The following LIX1L variants were observed in gnomAD, a reference collection of about 807,000 sequenced individuals.
LIX1L encodes the protein limb and CNS expressed 1 like, also known as LIX1-like protein.
Under a neutral mutation model 34.0 loss-of-function variants are expected in LIX1L, and 20 were observed. The observed-to-expected ratio is 0.59, with a 90% CI of 0.41 to 0.85. The LOEUF is 0.85. Ranked by LOEUF, LIX1L falls within the 40% of genes least tolerant of loss-of-function variation. The pLI, the probability that LIX1L is intolerant of heterozygous loss-of-function variation, is 0.00. For synonymous variants in LIX1L, 170 were observed against 187.4 expected (o/e 0.91, Z 0.76); for missense variants, 397 against 447.0 (o/e 0.89, Z 1.01).
chr1:145,952,255 A>C (rs782563329), intron 1 of LIX1L, among the ~76,000 whole-genome samples: 1 of 152,234 alleles, frequency 6.6e-6, no homozygotes, highest in Non-Finnish European at 1.5e-5. Context: ...AAAACTGTTA[A>C]GTAAAATTAT....
In LIX1L at chr1:145,936,038, A is replaced by C; in HGVS notation, c.*272T>G. The stretch of plus-strand genomic sequence containing the variant: ...GTGCTACTGAAATGGCTACACAGTT[A>C]ATCTGGAAGTTTAAGAGCTAACAAA... On this transcript the variant is annotated 3_prime_UTR_variant, in exon 6 of 6. Transcript: ENST00000604000. 1 of 418,322 alleles carries C rather than the reference A, an allele frequency of 2.4e-6. No homozygotes were observed. Among genetic ancestry groups the C allele is most frequent in the Non-Finnish European group, 4.3e-6 (1 of 231,970 alleles). 25.9% of individuals were successfully genotyped at this position (418,322 alleles called of 1,614,324 possible).
chr1:145,942,884 G>C (rs369356849), intron 2 of LIX1L, 31 bp from the exon 3 acceptor site: 1 of 1,610,416 alleles, frequency 6.2e-7, no homozygotes, highest in African/African-American at 1.3e-5. Flanking sequence ...GAGAATATGT[G>C]TATTTGTGCA....
At chr1:145,942,920 G>T (rs2101898749) in intron 2 of LIX1L, 67 bp from the exon 3 acceptor site, 1 of 1,478,322 alleles carries the variant, frequency 6.8e-7, no homozygotes, top group Non-Finnish European at 9.4e-7. Context: ...GGAACAGTGG[G>T]AGGGAAACAC....
At position 145,942,708 on chromosome 1, in the gene LIX1L, CT is replaced by C; in HGVS notation, c.597+4del. 1 of 1,613,882 alleles carries C rather than the reference CT, an allele frequency of 6.2e-7. No homozygotes were observed. Among genetic ancestry groups the C allele is most frequent in the Non-Finnish European group, 8.5e-7 (1 of 1,179,928 alleles). ...TCTCCTTCCTTCCAGCTCCATACAACTTACATTAAAAGATGCCAGGGCCTCA... is the reference window on the plus strand; with the variant it reads ...TCTCCTTCCTTCCAGCTCCATACAACTACATTAAAAGATGCCAGGGCCTCA... On this transcript the variant is annotated splice_donor_region_variant and intron_variant, in intron 3 of 5. Transcript: ENST00000604000.
chr1:145,938,076 C>G (rs145092121), intron 3 of LIX1L, among the ~76,000 whole-genome samples: 2 of 150,708 alleles, frequency 1.3e-5, no homozygotes, highest in East Asian at 3.9e-4. Flanking sequence ...TTGCAGAGAT[C>G]GGGCTACTGC....
intron 1 of LIX1L, among the ~76,000 whole-genome samples, chr1:145,951,940 T>A (rs1649312115): frequency 1.3e-5 from 2 of 152,230 alleles, no homozygotes; most frequent in African/African-American, 4.8e-5. Context: ...AGTCTTGATT[T>A]TAGAAATGTG....
chr1:145,949,868 G>A (rs1352158534), intron 1 of LIX1L, among the ~76,000 whole-genome samples: 1 of 149,866 alleles, frequency 6.7e-6, no homozygotes, highest in African/African-American at 2.5e-5. Flanking sequence ...CCAGGCTGGA[G>A]TGCAGTGGAG....
chr1:145,946,442 C>A (rs1649111505), intron 2 of LIX1L, among the ~76,000 whole-genome samples: 3 of 152,016 alleles, frequency 2.0e-5, no homozygotes, highest in Admixed American at 6.6e-5. Context: ...TGTGATCCAC[C>A]CGCCTCGGCC....
At chr1:145,947,257 A>C (rs1649143177) in intron 2 of LIX1L, 1 of 199,856 alleles carries the variant, frequency 5.0e-6, no homozygotes, top group Non-Finnish European at 1.0e-5. Flanking sequence ...ATTGCCTACG[A>C]AAAAGTACTG....
In LIX1L at chr1:145,948,862, G is replaced by C. The variant is rs1412442017; in HGVS notation, c.293-1080C>G. 4 of 152,192 alleles carry C rather than the reference G, an allele frequency of 2.6e-5. No homozygotes were observed. The highest frequency in any genetic ancestry group is 9.7e-5 in the African/African-American group (4 of 41,440). The allele number at this position is 152,192 out of a possible 1,614,324, so 9.4% of individuals were successfully genotyped here. On this transcript the variant is annotated intron_variant, in intron 1 of 5. Transcript: ENST00000604000. The surrounding 1 kb of genome is among the most constrained non-coding windows in gnomAD (Gnocchi z 4.0). ...ATAAAGAACTTGCTTGCTTCAGCTT[G>C]TTGTAAAATGGCAAGTTCCCCAAGC...
At chr1:145,950,528 G>A (rs914291847) in intron 1 of LIX1L, among the ~76,000 whole-genome samples, 2 of 151,972 alleles carry the variant, frequency 1.3e-5, no homozygotes, top group Non-Finnish European at 2.9e-5. Context: ...CACCACGCCC[G>A]GCTAATTTTT....
intron 2 of LIX1L, among the ~76,000 whole-genome samples, chr1:145,944,119 G>A (rs1649019632): frequency 6.6e-6 from 1 of 152,168 alleles, no homozygotes; most frequent in Non-Finnish European, 1.5e-5. Context: ...CACTTTGGGA[G>A]GCTAAGGCAG....
At chr1:145,955,394 G>A (rs1553760258) in intron 1 of LIX1L, among the ~76,000 whole-genome samples, 1 of 152,190 alleles carries the variant, frequency 6.6e-6, no homozygotes, top group Non-Finnish European at 1.5e-5. Flanking sequence ...AGACTGATTG[G>A]AAAAGGTGGA....
At chr1:145,952,671 G>A (rs976470448) in intron 1 of LIX1L, among the ~76,000 whole-genome samples, 1 of 151,798 alleles carries the variant, frequency 6.6e-6, no homozygotes, top group Non-Finnish European at 1.5e-5. Flanking sequence ...GAGTGCAGTA[G>A]CATGATCTTG....
intron 4 of LIX1L, 115 bp from the exon 5 acceptor site, chr1:145,937,100 A>C: frequency 1.7e-6 from 1 of 580,950 alleles, no homozygotes; most frequent in East Asian, 2.8e-5. Flanking sequence ...TCTCATCACT[A>C]ACTCTGATAG....
chr1:145,957,969 G>T lies in LIX1L; in HGVS notation c.-42C>A. On this transcript the variant is annotated 5_prime_UTR_variant, in exon 1 of 6. Transcript: ENST00000604000. Reference sequence around the variant, plus strand: ...GTAGCGCCCCGGAGCCTGCCAGCCTGCCGAGCTAACGGTCCCAACCACCCC... The same window carrying T: ...GTAGCGCCCCGGAGCCTGCCAGCCTTCCGAGCTAACGGTCCCAACCACCCC... 3 of 1,366,196 alleles carry T rather than the reference G, an allele frequency of 2.2e-6. No homozygotes were observed. The highest frequency in any genetic ancestry group is 1.9e-6 in the Non-Finnish European group (2 of 1,044,810). 84.6% of individuals were successfully genotyped at this position (1,366,196 alleles called of 1,614,324 possible). A position where few individuals can be genotyped will look rare whatever the true frequency, so the allele number is the denominator to read the frequency against.
chr1:145,946,744 T>C (rs1649126950), intron 2 of LIX1L, among the ~76,000 whole-genome samples: 1 of 152,262 alleles, frequency 6.6e-6, no homozygotes, highest in South Asian at 2.1e-4. Flanking sequence ...TTATGATATG[T>C]TGTAATAAGT....
chr1:145,945,609 G>T (rs1177013482), intron 2 of LIX1L, among the ~76,000 whole-genome samples: 8 of 151,648 alleles, frequency 5.3e-5, no homozygotes, highest in African/African-American at 1.9e-4. Context: ...TTAGCTGAGC[G>T]TGGTGGCAGG....
At chr1:145,945,089 G>C (rs1174576782) in intron 2 of LIX1L, among the ~76,000 whole-genome samples, 2 of 151,698 alleles carry the variant, frequency 1.3e-5, no homozygotes, top group Non-Finnish European at 2.9e-5. Context: ...CCAGCACTTT[G>C]GGAAGCTGAG....
Sources: gnomAD v4.1 joint callset for allele counts (sites outside exome capture counted in the v4.1 genomes callset) on GRCh38, gnomAD v4.1.1 for gene constraint, Gnocchi (gnomAD v3.1) non-coding constraint, MANE v1.5 for transcripts, NCBI Gene and HGNC (gene_info 2026-07-23, HGNC 2026-07-21) for gene names.